Variants in DAPP1 observed in about 807,000 individuals in gnomAD.
The protein encoded by DAPP1 is dual adapter for phosphotyrosine and 3-phosphotyrosine and 3-phosphoinositide.
DAPP1 carries 20 observed loss-of-function variants against 41.5 expected under a neutral mutation model. The observed-to-expected ratio is 0.48, with a 90% CI of 0.34 to 0.70. The LOEUF is 0.70. DAPP1 is among the 30% of genes least tolerant of loss of function. The pLI is 0.01. For synonymous variants in DAPP1, 113 were observed against 116.2 expected (o/e 0.97, Z 0.18); for missense variants, 233 against 333.4 (o/e 0.70, Z 2.35).
chr4:99,842,181 C>T (rs920729369), intron 3 of DAPP1, among the ~76,000 whole-genome samples: 2 of 152,208 alleles, frequency 1.3e-5, no homozygotes, highest in African/African-American at 2.4e-5. Flanking sequence ...CTTGTAAATA[C>T]ACTGTTCTGA....
At chr4:99,839,474 A>G (rs1723424012) in intron 2 of DAPP1, among the ~76,000 whole-genome samples, 1 of 151,568 alleles carries the variant, frequency 6.6e-6, no homozygotes, top group East Asian at 1.9e-4. Context: ...GTGGAAAATG[A>G]CAATGTAGGA....
At chr4:99,856,215 A>G (rs1724039124) in intron 4 of DAPP1, among the ~76,000 whole-genome samples, 1 of 152,194 alleles carries the variant, frequency 6.6e-6, no homozygotes, top group Admixed American at 6.5e-5. Flanking sequence ...TGAAGATCAC[A>G]GACAATAATC....
chr4:99,835,926 G>GA (rs1215600746), intron 2 of DAPP1, among the ~76,000 whole-genome samples, 181 bp downstream of exon 2: 1 of 152,080 alleles, frequency 6.6e-6, no homozygotes, highest in East Asian at 1.9e-4. Flanking sequence ...TCATTAGCAG[G>GA]AAAAAAATTG....
At chr4:99,845,254 A>G (rs1360967292) in intron 3 of DAPP1, among the ~76,000 whole-genome samples, 3 of 152,152 alleles carry the variant, frequency 2.0e-5, no homozygotes, top group African/African-American at 7.2e-5. Context: ...ATCTGGTTCT[A>G]AAGCATAGAT....
Position 99,857,699 on chromosome 4 carries a change from TATACACACAC to T in DAPP1, c.490-3877_490-3868del, listed in dbSNP as rs749393290. ...TGAAAAAAAAAAGTATATGTATGTA[TATACACACAC>T]ACACACACACACACACACACACACA... On this transcript the variant is annotated intron_variant, in intron 4 of 8. Transcript: ENST00000512369. 9.7e-3 allele frequency among the ~76,000 whole-genome samples: 1,294 copies of T among 133,624 alleles called. 5 individuals carry two copies. The highest frequency in any genetic ancestry group is 0.017 in the South Asian group (77 of 4,492). The allele number at this position is 133,624 out of a possible 152,430, so 87.7% of individuals were successfully genotyped here. A position where few individuals can be genotyped will look rare whatever the true frequency, so the allele number is the denominator to read the frequency against.
downstream of DAPP1, among the ~76,000 whole-genome samples, chr4:99,871,877 T>G (rs1724634756): frequency 6.6e-6 from 1 of 152,102 alleles, no homozygotes; most frequent in Non-Finnish European, 1.5e-5. Context: ...GGCCAGACAA[T>G]GAGATTGTAA....
Position 99,861,562 on chromosome 4 carries a change from T to C in DAPP1, c.490-16T>C. The stretch of plus-strand genomic sequence containing the variant: ...TGTGACAGTTCTGGTCTTCACTCAG[T>C]GCTTTTCTTTTTCAGCTGGGCACCA... On this transcript the variant is annotated splice_polypyrimidine_tract_variant and intron_variant, in intron 4 of 8. Transcript: ENST00000512369. The C allele has an allele frequency of 7.7e-6, 12 of 1,565,150 alleles. No homozygotes were observed. Among genetic ancestry groups the C allele is most frequent in the Non-Finnish European group, 9.5e-6 (11 of 1,153,998 alleles).
chr4:99,832,388 A>G (rs994583141), intron 1 of DAPP1, among the ~76,000 whole-genome samples: 1 of 152,254 alleles, frequency 6.6e-6, no homozygotes, highest in African/African-American at 2.4e-5. Flanking sequence ...GCTCATCAGA[A>G]TGTTCCAGGA....
chr4:99,870,735 T>C (rs1476914070), downstream of DAPP1, among the ~76,000 whole-genome samples: 1 of 152,162 alleles, frequency 6.6e-6, no homozygotes, highest in African/African-American at 2.4e-5. Flanking sequence ...AGCTTATCAT[T>C]AAGACAAAGT....
downstream of DAPP1, among the ~76,000 whole-genome samples, chr4:99,872,300 TAAAGC>T (rs1294409670): frequency 6.6e-6 from 1 of 152,170 alleles, no homozygotes; most frequent in African/African-American, 2.4e-5. Flanking sequence ...ACCACCACAA[TAAAGC>T]AAATATTGCA....
At chr4:99,865,820 T>A (rs967277219) in intron 7 of DAPP1, 3 of 149,316 alleles carry the variant, frequency 2.0e-5, no homozygotes, top group African/African-American at 7.5e-5. Flanking sequence ...TAGGTGCATA[T>A]ATACCAGCAC....
At chr4:99,839,397 G>T (rs1292852925) in intron 2 of DAPP1, among the ~76,000 whole-genome samples, 1 of 148,124 alleles carries the variant, frequency 6.8e-6, no homozygotes, top group Non-Finnish European at 1.5e-5. Context: ...ATATAGATTA[G>T]ATATCTATAG....
At chr4:99,858,896 AT>A (rs139558614) in intron 4 of DAPP1, among the ~76,000 whole-genome samples, 10,941 of 146,894 alleles carry the variant, frequency 0.074, 465 homozygotes, top group Non-Finnish European at 0.11. Context: ...CTCAAAAAAA[AT>A]TTTTTTTTTT....
At chr4:99,833,508 G>T (rs3822103) in intron 1 of DAPP1, among the ~76,000 whole-genome samples, 78,295 of 151,982 alleles carry the variant, frequency 0.52, 21,240 homozygotes, top group African/African-American at 0.67. Flanking sequence ...CAGGCTAAAA[G>T]TTTATGCCAC....
intron 1 of DAPP1, among the ~76,000 whole-genome samples, chr4:99,818,410 C>T (rs1254750046): frequency 6.6e-6 from 1 of 152,142 alleles, no homozygotes; most frequent in East Asian, 1.9e-4. Flanking sequence ...ATTCCCAGCC[C>T]ACTGTAATAG....
At chr4:99,856,535 T>G (rs1003235338) in intron 4 of DAPP1, among the ~76,000 whole-genome samples, 2 of 152,122 alleles carry the variant, frequency 1.3e-5, no homozygotes, top group Admixed American at 6.5e-5. Context: ...TCAGATCACA[T>G]AAGGCAATGG....
rs1553939466 is a variant in DAPP1, at chr4:99,839,369, A to ATAGATATATATAGATATATATAGAT, written c.225-913_225-912insATATAGATATATATAGATTAGATAT. Among the ~76,000 whole-genome samples, 68 of 108,164 alleles carry ATAGATATATATAGATATATATAGAT rather than the reference A, an allele frequency of 6.3e-4. 1 individual carries two copies. In the East Asian group the frequency reaches 7.7e-3, roughly 12 times the overall value. The allele number at this position is 108,164 out of a possible 152,430, so 71.0% of individuals were successfully genotyped here. On this transcript the variant is annotated intron_variant, in intron 2 of 8. Transcript: ENST00000512369. Reference sequence around the variant, plus strand: ...GGCAGATATATATATATAGATATATATAGATATCTATAGATATATATAGAT... The same window carrying ATAGATATATATAGATATATATAGAT: ...GGCAGATATATATATATAGATATATATAGATATATATAGATATATATAGATTAGATATCTATAGATATATATAGAT...
In DAPP1 at chr4:99,866,441, T is replaced by C. The variant is rs564152235; in HGVS notation, c.774+320T>C. 4.2e-6 allele frequency: 3 copies of C among 708,788 alleles called. No homozygotes were observed. In the South Asian group the frequency reaches 4.4e-5, roughly 10 times the overall value. The allele number at this position is 708,788 out of a possible 1,614,324, so 43.9% of individuals were successfully genotyped here. A position where few individuals can be genotyped will look rare whatever the true frequency, so the allele number is the denominator to read the frequency against. ...GAGGGGGACATTTAGAACCAGAAGG[T>C]CTGACAGAGGAAAGCTGACATACTT... On this transcript the variant is annotated intron_variant, in intron 8 of 8. Transcript: ENST00000512369.
In DAPP1 at chr4:99,822,167, T is replaced by A. The variant is rs191558471; in HGVS notation, c.101+5153T>A. ...CCTCTTCAGTTGTGGTGTTTTTCTG[T>A]TCCTCCAAAGGGTGACTTCCTTCTA... On this transcript the variant is annotated intron_variant, in intron 1 of 8. Coordinates refer to ENST00000512369, the MANE Select transcript of DAPP1 (RefSeq NM_014395.3). Among the ~76,000 whole-genome samples, 3 of 152,338 alleles carry A rather than the reference T, an allele frequency of 2.0e-5. No individual in the cohort carries two copies. In the East Asian group the frequency reaches 5.8e-4, roughly 29 times the overall value.
Sources: gnomAD v4.1 joint callset for allele counts (sites outside exome capture counted in the v4.1 genomes callset) on GRCh38, gnomAD v4.1.1 for gene constraint, MANE v1.5 for transcripts, NCBI Gene and HGNC (gene_info 2026-07-23, HGNC 2026-07-21) for gene names.